Variants in CTNND2 observed in about 807,000 individuals in gnomAD.
The protein encoded by CTNND2 is catenin delta 2, also known as catenin delta-2.
CTNND2 carries 22 observed loss-of-function variants against 144.4 expected under a neutral mutation model. The observed-to-expected ratio is 0.15, with a 90% CI of 0.11 to 0.22. The LOEUF (loss-of-function observed/expected upper bound fraction) is 0.22. CTNND2 is among the 10% of genes least tolerant of loss of function. CTNND2 has a pLI of 1.00. For missense variants in CTNND2, 1,353 were observed against 1,618.8 expected, an observed-to-expected ratio of 0.84 and a Z score of 2.82; for synonymous variants, 751 against 695.6, an observed-to-expected ratio of 1.08 and a Z score of -1.25.
chr5:11,653,615 GCT>G (rs982869769), intron 2 of CTNND2, among the ~76,000 whole-genome samples: 3 of 151,940 alleles, frequency 2.0e-5, no homozygotes, highest in African/African-American at 7.2e-5. Flanking sequence ...AATTATATGA[GCT>G]CTGTTATATA....
chr5:11,450,786 T>C (rs1765236697), intron 3 of CTNND2, among the ~76,000 whole-genome samples: 1 of 150,450 alleles, frequency 6.6e-6, no homozygotes, highest in African/African-American at 2.4e-5. Flanking sequence ...TAATCTCAGC[T>C]ACTCAGGAGG....
intron 21 of CTNND2, among the ~76,000 whole-genome samples, chr5:10,981,005 C>T (rs778121356): frequency 6.1e-4 from 93 of 152,142 alleles, no homozygotes; most frequent in African/African-American, 1.8e-3. Flanking sequence ...ACCAAAACTG[C>T]ACATTCTGCA....
chr5:11,771,876 T>C (rs1411364380), intron 1 of CTNND2, among the ~76,000 whole-genome samples: 1 of 152,238 alleles, frequency 6.6e-6, no homozygotes, highest in Non-Finnish European at 1.5e-5. Context: ...GTGAGGGCTT[T>C]TGAAACACTG....
chr5:11,100,387 G>C lies in CTNND2; in HGVS notation c.2464-1639C>G, dbSNP rs77208112. ...TTCCTAACTATTCAAAGATGACTTT[G>C]CACCTGTGAACTGCCTATCAATAAA... On this transcript the variant is annotated intron_variant, in intron 14 of 21. Coordinates refer to ENST00000304623, the MANE Select transcript of CTNND2 (RefSeq NM_001332.4). Among the ~76,000 whole-genome samples, 718 of 152,256 alleles carry C rather than the reference G, an allele frequency of 4.7e-3. 7 individuals are homozygous for C. The highest frequency in any genetic ancestry group is 0.016 in the African/African-American group (676 of 41,544).
rs190829525 is a variant in CTNND2, at chr5:11,553,584, T to C, written c.287+11360A>G. Among the ~76,000 whole-genome samples, 17 of 152,264 alleles carry C rather than the reference T, an allele frequency of 1.1e-4. 1 individual carries two copies. In the East Asian group the frequency reaches 2.7e-3, roughly 24 times the overall value. Reference sequence around the variant, plus strand: ...TGAAAGAAATAAATAAAAGATAAATTATGACTATATTTCAAGGCAAAGCTA... The same window carrying C: ...TGAAAGAAATAAATAAAAGATAAATCATGACTATATTTCAAGGCAAAGCTA... On this transcript the variant is annotated intron_variant, in intron 3 of 21. Coordinates refer to ENST00000304623, the MANE Select transcript of CTNND2 (RefSeq NM_001332.4).
chr5:11,148,425 C>T (rs12514212), intron 12 of CTNND2, among the ~76,000 whole-genome samples: 64,073 of 151,944 alleles, frequency 0.42, 13,639 homozygotes, highest in Admixed American at 0.5. Flanking sequence ...AAGGTGTTGC[C>T]GGGTGGAAGG....
At chr5:11,820,058 C>A (rs1489660778) in intron 1 of CTNND2, among the ~76,000 whole-genome samples, 1 of 152,148 alleles carries the variant, frequency 6.6e-6, no homozygotes, top group African/African-American at 2.4e-5. Context: ...CTGCTTCCCC[C>A]GTGTTTGTCT....
chr5:11,587,108 A>T (rs1055129963), intron 2 of CTNND2, among the ~76,000 whole-genome samples: 2 of 152,120 alleles, frequency 1.3e-5, no homozygotes, highest in African/African-American at 4.8e-5. Context: ...GTGTCACGTA[A>T]ATCTATTAGA....
chr5:11,816,416 C>A (rs2126920824), intron 1 of CTNND2, among the ~76,000 whole-genome samples: 1 of 151,664 alleles, frequency 6.6e-6, no homozygotes, highest in African/African-American at 2.4e-5. Context: ...GAGGGAGTCC[C>A]AAGGCTGTGT....
intron 9 of CTNND2, among the ~76,000 whole-genome samples, chr5:11,285,978 T>C (rs1032726344): frequency 4.5e-5 from 3 of 66,574 alleles, no homozygotes; most frequent in Non-Finnish European, 7.2e-5. Context: ...AGCATAAATG[T>C]AGGAGTAATA....
intron 3 of CTNND2, among the ~76,000 whole-genome samples, chr5:11,475,449 T>G (rs1170207419): frequency 6.6e-6 from 1 of 152,238 alleles, no homozygotes; most frequent in East Asian, 1.9e-4. Flanking sequence ...GCATTTATTA[T>G]GTACCTAATT....
intron 16 of CTNND2, chr5:11,027,299 C>T (rs1181174683): frequency 6.6e-6 from 1 of 152,106 alleles, no homozygotes; most frequent in African/African-American, 2.4e-5. Flanking sequence ...TGAGGCGTTC[C>T]ATCTTTTGTT....
At chr5:11,255,834 C>T (rs1364062206) in intron 9 of CTNND2, among the ~76,000 whole-genome samples, 5 of 152,188 alleles carry the variant, frequency 3.3e-5, no homozygotes, top group African/African-American at 1.2e-4. Context: ...GGCCTCATTA[C>T]GTCTTGCTTT....
intron 11 of CTNND2, among the ~76,000 whole-genome samples, chr5:11,196,473 G>A (rs1042727893): frequency 2.0e-5 from 3 of 152,132 alleles, no homozygotes; most frequent in African/African-American, 7.2e-5. Flanking sequence ...ATTTTTCTTT[G>A]CTGAGCTCTG....
intron 2 of CTNND2, among the ~76,000 whole-genome samples, chr5:11,694,427 C>CA (rs367663248): frequency 0.015 from 1,528 of 102,708 alleles, 23 homozygotes; most frequent in African/African-American, 0.047. Flanking sequence ...CAGAGTCTCT[C>CA]AAAAAAAAAA....
At chr5:11,316,522 G>C (rs1236150933) in intron 9 of CTNND2, among the ~76,000 whole-genome samples, 2 of 147,664 alleles carry the variant, frequency 1.4e-5, no homozygotes, top group African/African-American at 5.0e-5. Context: ...TTAAGTTTTA[G>C]GGTACATGTG....
intron 9 of CTNND2, among the ~76,000 whole-genome samples, chr5:11,304,174 A>T (rs1464206679): frequency 6.6e-6 from 1 of 152,204 alleles, no homozygotes; most frequent in African/African-American, 2.4e-5. Flanking sequence ...AGCAGCATGA[A>T]AACAGACTAA....
At chr5:11,063,267 A>C (rs1036217217) in intron 16 of CTNND2, among the ~76,000 whole-genome samples, 1 of 152,212 alleles carries the variant, frequency 6.6e-6, no homozygotes, top group African/African-American at 2.4e-5. Flanking sequence ...AATAAGTTAT[A>C]TTATTTTTGA....
At chr5:11,053,076 A>C (rs1012576326) in intron 16 of CTNND2, among the ~76,000 whole-genome samples, 1 of 152,226 alleles carries the variant, frequency 6.6e-6, no homozygotes, top group African/African-American at 2.4e-5. Flanking sequence ...GATATATTAC[A>C]ATAAGAAAAG....
Sources: allele counts gnomAD v4.1 joint callset (sites outside exome capture counted in the v4.1 genomes callset), GRCh38; gene constraint gnomAD v4.1.1; transcripts MANE v1.5; gene names NCBI Gene and HGNC (gene_info 2026-07-23, HGNC 2026-07-21).